SUSD5: variants seen among roughly 807,000 people sequenced by gnomAD.
SUSD5 encodes sushi domain-containing protein 5.
Under a neutral mutation model 29.5 loss-of-function variants are expected in SUSD5, and 33 were observed. That is an observed-to-expected ratio of 1.12 (90% confidence interval 0.85 to 1.49). The LOEUF is 1.49. Ranked by LOEUF, SUSD5 falls within the 40% of genes most tolerant of loss-of-function variation. The pLI is 0.00. For missense variants in SUSD5, 776 were observed against 800.6 expected (o/e 0.97, Z 0.37); for synonymous variants, 308 against 325.3 (o/e 0.95, Z 0.57).
chr3:33,213,105 T>C (rs985704897), intron 2 of SUSD5, among the ~76,000 whole-genome samples: 1 of 152,164 alleles, frequency 6.6e-6, no homozygotes. Flanking sequence ...GTATTCTTTT[T>C]ATTACTTAAA....
chr3:33,210,247 T>C (rs533708065), intron 2 of SUSD5, among the ~76,000 whole-genome samples: 3 of 152,246 alleles, frequency 2.0e-5, no homozygotes, highest in African/African-American at 7.2e-5. Context: ...GGCTATAGAG[T>C]ATTTGAAGAT....
chr3:33,152,903 C>T lies in SUSD5; in HGVS notation c.1729G>A (p.Ala577Thr), dbSNP rs369886584. Reference protein sequence around the residue: ...CPGLSRGPVIATIVTVLCLLL... With the variant: ...CPGLSRGPVITTIVTVLCLLL... Reference sequence around the variant, plus strand: ...AGGCACAGGACGGTGACAATGGTGGCGATCACAGGGCCTCTGCTGAGGCCA... The same window carrying T: ...AGGCACAGGACGGTGACAATGGTGGTGATCACAGGGCCTCTGCTGAGGCCA... Residue 577 changes from alanine (A) to threonine (T), a missense_variant, in exon 5 of 5, where the codon GCC (alanine) becomes ACC (threonine). By Grantham distance (58) the Ala-to-Thr change is moderately conservative. Coordinates refer to ENST00000309558, the MANE Select transcript of SUSD5 (RefSeq NM_015551.2). 33 of 1,613,850 alleles carry T rather than the reference C, an allele frequency of 2.0e-5. No individual in the cohort carries two copies. The highest frequency in any genetic ancestry group is 2.5e-5 in the Non-Finnish European group (29 of 1,179,894).
intron 3 of SUSD5, among the ~76,000 whole-genome samples, chr3:33,186,064 G>C (rs977717047): frequency 1.3e-5 from 2 of 152,124 alleles, no homozygotes; most frequent in African/African-American, 4.8e-5. Context: ...TAGACTTTGG[G>C]AGGCCAAGGC....
intron 3 of SUSD5, among the ~76,000 whole-genome samples, chr3:33,177,953 T>C (rs1036073965): frequency 6.6e-6 from 1 of 151,592 alleles, no homozygotes; most frequent in African/African-American, 2.4e-5. Flanking sequence ...TCCTTCGCAA[T>C]CTATATTTTC....
At chr3:33,181,304 C>T (rs929801953) in intron 3 of SUSD5, among the ~76,000 whole-genome samples, 1 of 151,570 alleles carries the variant, frequency 6.6e-6, no homozygotes. Flanking sequence ...ACGTCCAGTG[C>T]TGCAAGCGCC....
In SUSD5 at chr3:33,187,376, A is replaced by G. The variant is rs570887253; in HGVS notation, c.410-12302T>C. Among the ~76,000 whole-genome samples the G allele has an allele frequency of 1.2e-3, 181 of 152,328 alleles. 1 individual carries two copies. The highest frequency in any genetic ancestry group is 4.1e-3 in the African/African-American group (170 of 41,578). Reference sequence around the variant, plus strand: ...AATGCTGCTGAGAGTCTAGGTACATACACCATATGTTTCTGGATTTCCCGC... The same window carrying G: ...AATGCTGCTGAGAGTCTAGGTACATGCACCATATGTTTCTGGATTTCCCGC... On this transcript the variant is annotated intron_variant, in intron 3 of 4. Transcript: ENST00000309558.
At chr3:33,187,618 T>C (rs1168624878) in intron 3 of SUSD5, among the ~76,000 whole-genome samples, 9 of 151,978 alleles carry the variant, frequency 5.9e-5, no homozygotes, top group Admixed American at 5.9e-4. Context: ...TTCTCCTCTC[T>C]AGGGAAACTT....
chr3:33,167,077 G>A lies in SUSD5; in HGVS notation c.598+7809C>T, dbSNP rs759459194. ...GCCTGTAATCCCAGGTACTCAGGAC[G>A]CTGAGGCAGAAGAACAGCTTGAACC... is the stretch of plus-strand genomic sequence containing the variant. On this transcript the variant is annotated intron_variant, in intron 4 of 4. Coordinates refer to ENST00000309558, the MANE Select transcript of SUSD5 (RefSeq NM_015551.2). This position sits in a 1 kb window ranked among gnomAD's most constrained non-coding sequence, Gnocchi z 4.1. Among the ~76,000 whole-genome samples the A allele has an allele frequency of 7.0e-4, 106 of 152,052 alleles. No homozygotes were observed. Among genetic ancestry groups the A allele is most frequent in the Non-Finnish European group, 1.3e-3 (90 of 68,026 alleles).
chr3:33,186,276 T>G (rs1471014416), intron 3 of SUSD5, among the ~76,000 whole-genome samples: 1 of 151,068 alleles, frequency 6.6e-6, no homozygotes. Context: ...CACTCCAGCC[T>G]GGGTGACAGA....
chr3:33,199,572 C>CA (rs1384284613), intron 3 of SUSD5, among the ~76,000 whole-genome samples: 2 of 152,104 alleles, frequency 1.3e-5, no homozygotes, highest in African/African-American at 4.8e-5. Flanking sequence ...CACGCCCAAC[C>CA]AAAAAAAGTT....
chr3:33,172,299 A>G (rs528579089), intron 4 of SUSD5, among the ~76,000 whole-genome samples: 1 of 152,342 alleles, frequency 6.6e-6, no homozygotes, highest in African/African-American at 2.4e-5. Context: ...CAGCCCAAGC[A>G]TATAAACCAG....
chr3:33,213,893 G>A lies in SUSD5; in HGVS notation c.290+35C>T, dbSNP rs370499930. On this transcript the variant is annotated intron_variant, in intron 2 of 4. Transcript: ENST00000309558. ...TATATAAGCCTTGGTGGTGCAACTGGGGTGAGTTGGAAAAGGAGTGCTCGC... is the reference window on the plus strand; with the variant it reads ...TATATAAGCCTTGGTGGTGCAACTGAGGTGAGTTGGAAAAGGAGTGCTCGC... 2.4e-4 allele frequency: 381 copies of A among 1,559,670 alleles called. 1 individual carries two copies. The highest frequency in any genetic ancestry group is 3.2e-4 in the Non-Finnish European group (370 of 1,150,734).
chr3:33,194,690 A>T (rs2031962219), intron 3 of SUSD5, among the ~76,000 whole-genome samples: 1 of 152,128 alleles, frequency 6.6e-6, no homozygotes, highest in South Asian at 2.1e-4. Context: ...TAAGGCAGAA[A>T]CCAGAAGGCA....
chr3:33,160,282 G>C (rs371208591), intron 4 of SUSD5, among the ~76,000 whole-genome samples: 9 of 151,738 alleles, frequency 5.9e-5, no homozygotes, highest in East Asian at 5.8e-4. Flanking sequence ...GTCACGCCCA[G>C]ATATATTAAA....
chr3:33,169,602 A>T (rs2031380065), intron 4 of SUSD5, among the ~76,000 whole-genome samples: 1 of 152,240 alleles, frequency 6.6e-6, no homozygotes, highest in Non-Finnish European at 1.5e-5. Context: ...CCCAAAAAAC[A>T]ACTCCCAGAA....
intron 3 of SUSD5, among the ~76,000 whole-genome samples, chr3:33,177,163 C>G (rs2031570290): frequency 6.6e-6 from 1 of 152,166 alleles, no homozygotes; most frequent in South Asian, 2.1e-4. Context: ...AAAAATCAGA[C>G]CTTGGTGATG....
intron 2 of SUSD5, among the ~76,000 whole-genome samples, 193 bp downstream of exon 2, chr3:33,213,735 C>T (rs1228332464): frequency 6.6e-6 from 1 of 151,958 alleles, no homozygotes; most frequent in Non-Finnish European, 1.5e-5. Flanking sequence ...GATTGCACCA[C>T]TGCACTCCAA....
At chr3:33,205,825 A>T (rs2032207784) in intron 3 of SUSD5, among the ~76,000 whole-genome samples, 2 of 152,244 alleles carry the variant, frequency 1.3e-5, no homozygotes, top group Admixed American at 1.3e-4. Context: ...GTCTGGCAGA[A>T]AAGCAACCAA....
chr3:33,153,605 T>C lies in SUSD5; in HGVS notation c.1027A>G (p.Thr343Ala), dbSNP rs1433205268. ...ACAAATGGCCCCGAGGGACCATCAG[T>C]GTTGCCGTAGATCACCTTGGTTTCA... is the stretch of plus-strand genomic sequence containing the variant. The part of the protein sequence containing the change: ...EPETKVIYGN[T>A]DGPSGPFVGK... Residue 343 changes from threonine to alanine, a missense_variant, in exon 5 of 5, where the codon ACT becomes GCT. Physicochemically the swap from Thr to Ala is moderately conservative, Grantham distance 58. Coordinates refer to ENST00000309558, the MANE Select transcript of SUSD5 (RefSeq NM_015551.2). 2 of 1,613,888 alleles carry C rather than the reference T, an allele frequency of 1.2e-6. No homozygotes were observed. The highest frequency in any genetic ancestry group is 2.2e-5 in the East Asian group (1 of 44,882).
Sources: gnomAD v4.1 joint callset for allele counts (sites outside exome capture counted in the v4.1 genomes callset) on GRCh38, gnomAD v4.1.1 for gene constraint, Gnocchi (gnomAD v3.1) non-coding constraint, MANE v1.5 for transcripts, NCBI Gene and HGNC (gene_info 2026-07-23, HGNC 2026-07-21) for gene names.